The following RSU1 variants were observed in gnomAD, a reference collection of about 807,000 sequenced individuals.
The protein encoded by RSU1 is rsu-1.
In RSU1, 26 loss-of-function variants were observed where a neutral mutation model predicts 31.1. The ratio of observed to expected loss-of-function variants is 0.84; its 90% CI spans 0.61 to 1.16. RSU1 has a LOEUF of 1.16. Ranked by LOEUF, RSU1 falls within the 50% of genes most tolerant of loss-of-function variation. The probability of loss-of-function intolerance (pLI) is 0.00; values close to 1 mark genes in which losing one functional copy is unlikely to be tolerated. For missense variants in RSU1, 320 were observed against 339.1 expected, an observed-to-expected ratio of 0.94 and a Z score of 0.44; for synonymous variants, 164 against 136.3, an observed-to-expected ratio of 1.20 and a Z score of -1.41.
intron 7 of RSU1, among the ~76,000 whole-genome samples, chr10:16,715,597 C>G: frequency 6.6e-6 from 1 of 152,168 alleles, no homozygotes; most frequent in Non-Finnish European, 1.5e-5. Context: ...GCACACTTGT[C>G]AAAAAATCAC....
intron 3 of RSU1, among the ~76,000 whole-genome samples, chr10:16,769,772 TAATC>T (rs1837385945): frequency 6.6e-6 from 1 of 152,224 alleles, no homozygotes; most frequent in Non-Finnish European, 1.5e-5. Flanking sequence ...ATGAGTATAA[TAATC>T]AATCTGATCC....
intron 7 of RSU1, among the ~76,000 whole-genome samples, chr10:16,747,577 C>T (rs1188485369): frequency 6.6e-6 from 1 of 152,196 alleles, no homozygotes; most frequent in Non-Finnish European, 1.5e-5. Context: ...GATCCAGTAT[C>T]CGACCATTAC....
chr10:16,644,172 A>G (rs11819325), intron 8 of RSU1, among the ~76,000 whole-genome samples: 29,279 of 152,036 alleles, frequency 0.19, 6,868 homozygotes, highest in African/African-American at 0.56. Flanking sequence ...CTAGAGCTGT[A>G]TTTGGCACCT....
Position 16,695,044 on chromosome 10 carries a change from A to G in RSU1, c.710T>C (p.Ile237Thr). ...TTACTATTTGTATGTCTCAGAACGG[A>G]TATACTCAAAAACATGGGACACGCC... ...QLGVSHVFEY[I>T]RSETYKYLYG... is the part of the protein sequence containing the mutation. The change falls in exon 8 of 9, where the codon ATC becomes ACC. Residue 237 changes from isoleucine (I) to threonine (T), a missense_variant. Ile to Thr is a moderately conservative substitution (Grantham distance 89, BLOSUM62 -1). Transcript: ENST00000345264. The G allele has an allele frequency of 6.2e-7, 1 of 1,613,486 alleles. No homozygotes were observed. The highest frequency in any genetic ancestry group is 8.5e-7 in the Non-Finnish European group (1 of 1,179,678).
intron 7 of RSU1, among the ~76,000 whole-genome samples, chr10:16,700,294 C>G (rs1007393697): frequency 6.6e-6 from 1 of 152,064 alleles, no homozygotes; most frequent in Non-Finnish European, 1.5e-5. Flanking sequence ...AAGCCACGCT[C>G]TCTCATTCAC....
rs559716380 is a variant in RSU1 at position 16,774,734 on chromosome 10, C to T, written c.160+7300G>A. On this transcript the variant is annotated intron_variant, in intron 3 of 8. Transcript: ENST00000345264. Reference sequence around the variant, plus strand: ...CACAAGCCTCTGCTGGAATTACAACCATCACGTGCACTTCTCTACAGATCA... The same window carrying T: ...CACAAGCCTCTGCTGGAATTACAACTATCACGTGCACTTCTCTACAGATCA... Among the ~76,000 whole-genome samples, 3 of 152,350 alleles carry T rather than the reference C, an allele frequency of 2.0e-5. No homozygotes were observed. The South Asian group carries it at 6.2e-4, about 32-fold the overall frequency.
chr10:16,758,411 T>C lies in RSU1; in HGVS notation c.282-3422A>G, dbSNP rs1837139545. ...CACATTTTGACACATAGGAATTCCA[T>C]GCTCAGGGCCCCGCTCTGACACTGC... On this transcript the variant is annotated intron_variant, in intron 4 of 8. Transcript: ENST00000345264. Among the ~76,000 whole-genome samples the C allele has an allele frequency of 3.3e-5, 5 of 152,156 alleles. No homozygotes were observed. The South Asian group carries it at 1.0e-3, about 32-fold the overall frequency.
intron 7 of RSU1, among the ~76,000 whole-genome samples, chr10:16,711,289 T>C (rs1836013634): frequency 6.6e-6 from 1 of 152,126 alleles, no homozygotes; most frequent in African/African-American, 2.4e-5. Context: ...ACTTGAGTCT[T>C]GTTTTTTTTA....
chr10:16,801,665 G>A (rs146234316), intron 2 of RSU1, among the ~76,000 whole-genome samples: 2,943 of 151,944 alleles, frequency 0.019, 54 homozygotes, highest in Non-Finnish European at 0.03. Flanking sequence ...TTAAACTTAA[G>A]AAAATAGAAA....
intron 8 of RSU1, among the ~76,000 whole-genome samples, chr10:16,688,754 G>T (rs978606046): frequency 6.6e-6 from 1 of 152,048 alleles, no homozygotes; most frequent in Non-Finnish European, 1.5e-5. Context: ...TAATCTCAGC[G>T]CTTTGAAAGG....
chr10:16,780,593 TATC>T (rs1837630404), intron 3 of RSU1, among the ~76,000 whole-genome samples: 1 of 152,218 alleles, frequency 6.6e-6, no homozygotes, highest in Admixed American at 6.5e-5. Flanking sequence ...CAAAACAAGG[TATC>T]ATTGTTGTAA....
chr10:16,739,531 C>T (rs1357326717), intron 7 of RSU1, among the ~76,000 whole-genome samples: 37 of 127,764 alleles, frequency 2.9e-4, no homozygotes, highest in African/African-American at 1.1e-3. Context: ...AGTGCAGTGG[C>T]GCAATCTCGG....
chr10:16,749,569 C>T (rs904615024), intron 7 of RSU1, among the ~76,000 whole-genome samples: 2 of 152,128 alleles, frequency 1.3e-5, no homozygotes, highest in African/African-American at 4.8e-5. Context: ...CAGCACTGCC[C>T]ATCAGCCAGC....
intron 7 of RSU1, among the ~76,000 whole-genome samples, chr10:16,737,205 CCAAT>C (rs1054615983): frequency 6.6e-5 from 10 of 151,728 alleles, no homozygotes; most frequent in South Asian, 2.1e-4. Context: ...AACCTACCAA[CCAAT>C]CAATTAATTT....
At chr10:16,712,508 T>G (rs893168831) in intron 7 of RSU1, among the ~76,000 whole-genome samples, 4 of 152,208 alleles carry the variant, frequency 2.6e-5, no homozygotes, top group Non-Finnish European at 5.9e-5. Context: ...TTTCTTTCTT[T>G]GTGGTTACCA....
intron 8 of RSU1, among the ~76,000 whole-genome samples, chr10:16,635,092 T>A (rs79401768): frequency 0.053 from 8,070 of 152,268 alleles, 529 homozygotes; most frequent in African/African-American, 0.16. Context: ...AGCAGCTGTA[T>A]TCGTAACAGC....
chr10:16,756,682 G>A (rs909140044), intron 4 of RSU1, among the ~76,000 whole-genome samples: 1 of 152,330 alleles, frequency 6.6e-6, no homozygotes, highest in African/African-American at 2.4e-5. Flanking sequence ...AAGGCTTCCA[G>A]CCAACTGTAG....
chr10:16,722,408 G>C (rs1269321138), intron 7 of RSU1, among the ~76,000 whole-genome samples: 1 of 152,188 alleles, frequency 6.6e-6, no homozygotes, highest in African/African-American at 2.4e-5. Flanking sequence ...CAGGCTTCTA[G>C]CTGGTGGATG....
At chr10:16,714,438 G>C (rs1819761985) in intron 7 of RSU1, among the ~76,000 whole-genome samples, 1 of 152,194 alleles carries the variant, frequency 6.6e-6, no homozygotes, top group Non-Finnish European at 1.5e-5. Context: ...CTGCTCTTTG[G>C]GTGTCTGTAT....
Sources: allele counts gnomAD v4.1 joint callset (sites outside exome capture counted in the v4.1 genomes callset), GRCh38; gene constraint gnomAD v4.1.1; transcripts MANE v1.5; gene names NCBI Gene and HGNC (gene_info 2026-07-23, HGNC 2026-07-21).